Variants in SORBS2 observed in about 807,000 individuals in gnomAD.
The protein encoded by SORBS2 is sorbin and SH3 domain-containing protein 2.
In SORBS2, 46 loss-of-function variants were observed where a neutral mutation model predicts 97.7. The ratio of observed to expected loss-of-function variants is 0.47; its 90% confidence interval spans 0.37 to 0.60. SORBS2 has a LOEUF of 0.60. Among genes scored for constraint, SORBS2 ranks in the 20% least tolerant of loss-of-function variants. The probability of loss-of-function intolerance (pLI) is 0.00; values close to 1 mark genes in which losing one functional copy is unlikely to be tolerated. For synonymous variants in SORBS2, 476 were observed against 473.4 expected, an observed-to-expected ratio of 1.01 and a Z score of -0.07; for missense variants, 1,316 against 1,282.3, an observed-to-expected ratio of 1.03 and a Z score of -0.40.
intron 1 of SORBS2, among the ~76,000 whole-genome samples, chr4:185,942,396 T>G (rs62336486): frequency 0.88 from 133,618 of 151,242 alleles, 59,176 homozygotes; most frequent in East Asian, 0.94. Context: ...TGTCACTCAG[T>G]CTGGAGTGCA....
Position 185,623,087 on chromosome 4 carries a change from GCT to G in SORBS2, c.2040_2041del (p.Arg680SerfsTer28). On this transcript the variant is annotated frameshift_variant, in exon 7 of 15. Transcript: ENST00000418609. LOFTEE classifies it high-confidence loss of function. This position sits in a 1 kb window ranked among gnomAD's most constrained non-coding sequence, Gnocchi z 6.4. ...CTGGTGCAGGGGGCTCCTCCTCAGC[GCT>G]CTCAGGGATGAGTTCCTCTCGGGAA... 1 of 1,614,104 alleles carries G rather than the reference GCT, an allele frequency of 6.2e-7. No homozygotes were observed. The highest frequency in any genetic ancestry group is 1.3e-5 in the African/African-American group (1 of 75,030).
intron 1 of SORBS2, among the ~76,000 whole-genome samples, chr4:185,913,230 C>T (rs966116930): frequency 6.6e-6 from 1 of 152,166 alleles, no homozygotes; most frequent in African/African-American, 2.4e-5. Flanking sequence ...GTTACATAAA[C>T]AAGCATTATA....
intron 1 of SORBS2, among the ~76,000 whole-genome samples, chr4:185,824,842 A>T (rs1268462708): frequency 6.6e-6 from 1 of 152,236 alleles, no homozygotes. Flanking sequence ...TTTTAGAAGA[A>T]TCTTCCAGGG....
intron 1 of SORBS2, among the ~76,000 whole-genome samples, chr4:185,847,683 A>G (rs985314070): frequency 1.1e-4 from 16 of 152,138 alleles, no homozygotes; most frequent in Non-Finnish European, 2.4e-4. Flanking sequence ...CCTTGACTCC[A>G]TAAGGAATGT....
chr4:185,911,395 T>C lies in SORBS2; in HGVS notation c.-338+44801A>G, dbSNP rs746840365. ...GGTGTGCACCACCATGCCTGGCTAA[T>C]TTTTTTTATTTTTTGTATAGGTGGA... On this transcript the variant is annotated intron_variant, in intron 1 of 20. Coordinates refer to the SORBS2 transcript ENST00000284776. Among the ~76,000 whole-genome samples the C allele has an allele frequency of 5.9e-5, 9 of 151,998 alleles. No homozygotes were observed. In the East Asian group the frequency reaches 1.6e-3, roughly 26 times the overall value.
At chr4:185,892,618 G>A (rs569444397) in intron 1 of SORBS2, among the ~76,000 whole-genome samples, 3 of 152,272 alleles carry the variant, frequency 2.0e-5, no homozygotes, top group Middle Eastern at 3.4e-3. Flanking sequence ...GGCACATGTC[G>A]CAACATGGAT....
At chr4:185,635,776 G>C (rs2096986434) in intron 4 of SORBS2, among the ~76,000 whole-genome samples, 1 of 152,216 alleles carries the variant, frequency 6.6e-6, no homozygotes, top group South Asian at 2.1e-4. Flanking sequence ...ATGTGTGACT[G>C]AAAATGATTA....
In SORBS2 at chr4:185,594,368, A is replaced by G. The variant is rs115646669; in HGVS notation, c.2797-433T>C. Among the ~76,000 whole-genome samples the G allele has an allele frequency of 3.5e-3, 534 of 152,348 alleles. 2 individuals are homozygous for G. Among genetic ancestry groups the G allele is most frequent in the African/African-American group, 0.012 (502 of 41,584 alleles). On this transcript the variant is annotated intron_variant, in intron 12 of 14. Transcript: ENST00000418609. The stretch of plus-strand genomic sequence containing the variant: ...GTTTAACAGCAAAGTATCCACACTC[A>G]TTCTTTCAATCTTTCCTTCACAGAC...
At chr4:185,649,475 T>C in exon 3 of SORBS2, 1 of 1,584,238 alleles carries the variant, frequency 6.3e-7, no homozygotes, top group South Asian at 1.1e-5. Context: ...ACTTTTCTGT[T>C]GAAGACCGAT....
At chr4:185,602,237 T>C (rs979367978) in intron 12 of SORBS2, among the ~76,000 whole-genome samples, 4 of 152,200 alleles carry the variant, frequency 2.6e-5, no homozygotes, top group African/African-American at 9.6e-5. Context: ...CTTGAACTCC[T>C]GACCTTGTGA....
chr4:185,612,063 A>G, intron 11 of SORBS2, 83 bp from the exon 24 acceptor site: 3 of 1,082,422 alleles, frequency 2.8e-6, no homozygotes, highest in Middle Eastern at 2.4e-4. Flanking sequence ...CTATGAAAAA[A>G]TAGGTTTCCA....
intron 1 of SORBS2, among the ~76,000 whole-genome samples, chr4:185,930,233 T>G (rs2099265769): frequency 6.6e-6 from 1 of 152,176 alleles, no homozygotes; most frequent in Non-Finnish European, 1.5e-5. Context: ...TTTTTATTAC[T>G]TTATGTTAGT....
At chr4:185,794,014 C>G (rs1218595125) in intron 1 of SORBS2, among the ~76,000 whole-genome samples, 1 of 152,088 alleles carries the variant, frequency 6.6e-6, no homozygotes, top group Non-Finnish European at 1.5e-5. Context: ...AGGAGCCCTG[C>G]CTTTGACAAG....
At chr4:185,670,339 A>C (rs1001583764) in intron 4 of SORBS2, among the ~76,000 whole-genome samples, 1 of 152,166 alleles carries the variant, frequency 6.6e-6, no homozygotes, top group Non-Finnish European at 1.5e-5. Flanking sequence ...TAAACATTCT[A>C]GGAAAAAGCT....
chr4:185,648,887 A>G (rs1314630022), intron 3 of SORBS2, among the ~76,000 whole-genome samples: 1 of 152,258 alleles, frequency 6.6e-6, no homozygotes, highest in African/African-American at 2.4e-5. Flanking sequence ...AAGGTTACCT[A>G]TAAGTAGAAG....
chr4:185,803,077 AG>A (rs1459931417), intron 1 of SORBS2, among the ~76,000 whole-genome samples: 3 of 152,266 alleles, frequency 2.0e-5, no homozygotes, highest in Admixed American at 6.5e-5. Flanking sequence ...AAATACTTAG[AG>A]GGCCAGAGTC....
chr4:185,692,747 TA>T (rs1257013813), intron 2 of SORBS2, among the ~76,000 whole-genome samples: 3 of 152,080 alleles, frequency 2.0e-5, no homozygotes, highest in African/African-American at 7.2e-5. Context: ...AGATTTTATA[TA>T]TAGATATATA....
rs116591606 is a variant in SORBS2, at chr4:185,916,584, C to T, written c.-338+39612G>A. Among the ~76,000 whole-genome samples the T allele has an allele frequency of 3.8e-3, 581 of 152,300 alleles. 4 individuals carry two copies. The highest frequency in any genetic ancestry group is 0.013 in the African/African-American group (536 of 41,560). ...ACTGGTTTGTGAATAGAGAATTTGA[C>T]GCCCAAGATACGACACTCCCAGCAC... On this transcript the variant is annotated intron_variant, in intron 1 of 20. Coordinates refer to the SORBS2 transcript ENST00000284776.
intron 1 of SORBS2, among the ~76,000 whole-genome samples, chr4:185,941,178 T>C (rs2099271814): frequency 6.6e-6 from 1 of 152,176 alleles, no homozygotes; most frequent in Non-Finnish European, 1.5e-5. Context: ...TTCTAAAGTT[T>C]TTACATTTAT....
Sources: gnomAD v4.1 joint callset for allele counts (sites outside exome capture counted in the v4.1 genomes callset) on GRCh38, gnomAD v4.1.1 for gene constraint, Gnocchi (gnomAD v3.1) non-coding constraint, MANE v1.5 for transcripts, NCBI Gene and HGNC (gene_info 2026-07-23, HGNC 2026-07-21) for gene names.